The following NFATC1 variants were observed in gnomAD, a reference collection of about 807,000 sequenced individuals.
NFATC1 encodes the protein nuclear factor of activated T-cells, cytoplasmic 1.
NFATC1 carries 22 observed loss-of-function variants against 76.0 expected under a neutral mutation model. That is an observed-to-expected ratio of 0.29 (90% CI 0.21 to 0.41). The LOEUF is 0.41. Among genes scored for constraint, NFATC1 ranks in the 10% least tolerant of loss-of-function variants. NFATC1 has a pLI of 1.00. For missense variants in NFATC1, 1,357 were observed against 1,337.7 expected (o/e 1.01, Z -0.23); for synonymous variants, 704 against 613.1 (o/e 1.15, Z -2.19).
rs372096703 is a variant in NFATC1, at chr18:79,480,728, C to T, written c.2093-5520C>T. 1.7e-4 allele frequency among the ~76,000 whole-genome samples: 26 copies of T among 152,284 alleles called. No homozygotes were observed. The East Asian group carries it at 4.1e-3, about 24-fold the overall frequency. On this transcript the variant is annotated intron_variant, in intron 8 of 9. Coordinates refer to ENST00000427363, the MANE Select transcript of NFATC1 (RefSeq NM_001278669.2). ...CTCTCGGGCATAGCCGGCCTTGGCC[C>T]GTGGGGCGGCTGATTTACAGGACAG...
intron 9 of NFATC1, among the ~76,000 whole-genome samples, chr18:79,488,078 AG>A (rs915817941): frequency 6.3e-5 from 8 of 126,478 alleles, no homozygotes; most frequent in African/African-American, 4.0e-4. Flanking sequence ...CTCCTGACCC[AG>A]GGGGGGCAGG....
At chr18:79,403,114 G>A (rs1428115098) in intron 1 of NFATC1, among the ~76,000 whole-genome samples, 1 of 152,228 alleles carries the variant, frequency 6.6e-6, no homozygotes, top group Non-Finnish European at 1.5e-5. Context: ...GGGGTTGGGG[G>A]CTGCAGCCGC....
chr18:79,443,426 ACTC>A (rs2087063565), intron 3 of NFATC1, among the ~76,000 whole-genome samples: 1 of 151,954 alleles, frequency 6.6e-6, no homozygotes, highest in Non-Finnish European at 1.5e-5. Context: ...AGCGCCCACT[ACTC>A]ACCCAGGGCC....
At chr18:79,442,323 G>C (rs1041838484) in intron 3 of NFATC1, among the ~76,000 whole-genome samples, 2 of 152,248 alleles carry the variant, frequency 1.3e-5, no homozygotes, top group African/African-American at 4.8e-5. Flanking sequence ...CCTCGCCGAG[G>C]CGTCGGTCCT....
intron 2 of NFATC1, among the ~76,000 whole-genome samples, chr18:79,426,240 T>C (rs2086324125): frequency 1.3e-5 from 2 of 152,118 alleles, no homozygotes; most frequent in African/African-American, 2.4e-5. Flanking sequence ...ATATGTCTTT[T>C]TTTTTTTTTC....
rs143881092 is a variant in NFATC1 at position 79,505,911 on chromosome 18, T to C, written c.2782+18974T>C. 8.6e-5 allele frequency among the ~76,000 whole-genome samples: 12 copies of C among 139,822 alleles called. No homozygotes were observed. The Admixed American group carries it at 8.6e-4, about 10-fold the overall frequency. The allele number at this position is 139,822 out of a possible 152,430, so 91.7% of individuals were successfully genotyped here. On this transcript the variant is annotated intron_variant, in intron 9 of 9. Coordinates refer to ENST00000427363, the MANE Select transcript of NFATC1 (RefSeq NM_001278669.2). ...ATGAGGGAAGAGGCAGGAGACCGCT[T>C]TGTGGGAAGAGGTGGTGGACGAGCC...
intron 7 of NFATC1, among the ~76,000 whole-genome samples, chr18:79,461,614 G>A (rs113133538): frequency 9.2e-5 from 14 of 152,192 alleles, no homozygotes; most frequent in South Asian, 6.2e-4. Flanking sequence ...GGCCGGGGAC[G>A]GTGCTGGACA....
chr18:79,454,124 G>A (rs2087589411), intron 6 of NFATC1, among the ~76,000 whole-genome samples: 1 of 152,152 alleles, frequency 6.6e-6, no homozygotes, highest in African/African-American at 2.4e-5. Context: ...CAGGAGGGGA[G>A]GTTCCTGCTG....
chr18:79,397,134 A>T (rs1177379071), intron 1 of NFATC1, among the ~76,000 whole-genome samples: 1 of 152,154 alleles, frequency 6.6e-6, no homozygotes, highest in Non-Finnish European at 1.5e-5. Context: ...CCCCCACCTT[A>T]GCCCGTCCCC....
Position 79,396,370 on chromosome 18 carries a change from C to G in NFATC1, c.127+19C>G, listed in dbSNP as rs776887252. ...GAGGAAGGTAAGCCCCGCGCGGCCTCCGCCCCCGGACCCCTGCGCCCCCCA... is the reference window on the plus strand; with the variant it reads ...GAGGAAGGTAAGCCCCGCGCGGCCTGCGCCCCCGGACCCCTGCGCCCCCCA... On this transcript the variant is annotated intron_variant, in intron 1 of 9. Coordinates refer to ENST00000427363, the MANE Select transcript of NFATC1 (RefSeq NM_001278669.2). 3.9e-6 allele frequency: 5 copies of G among 1,296,078 alleles called. No homozygotes were observed. In the African/African-American group the frequency reaches 7.8e-5, roughly 20 times the overall value. 80.3% of individuals were successfully genotyped at this position (1,296,078 alleles called of 1,614,324 possible).
At chr18:79,513,836 G>A (rs1258910837) in intron 9 of NFATC1, among the ~76,000 whole-genome samples, 1 of 152,208 alleles carries the variant, frequency 6.6e-6, no homozygotes, top group African/African-American at 2.4e-5. Context: ...AAGCCTGAGG[G>A]TACACTGGCT....
chr18:79,399,752 G>C (rs2085121445), intron 1 of NFATC1, among the ~76,000 whole-genome samples: 1 of 152,038 alleles, frequency 6.6e-6, no homozygotes, highest in Non-Finnish European at 1.5e-5. Context: ...GGTGGGTGCC[G>C]GGCCTCCTGC....
intron 8 of NFATC1, among the ~76,000 whole-genome samples, chr18:79,483,178 GGT>G: frequency 8.9e-6 from 1 of 111,766 alleles, no homozygotes; most frequent in Admixed American, 8.8e-5. Flanking sequence ...TGGTTCCTGG[GGT>G]GTAATTCCAG....
intron 2 of NFATC1, among the ~76,000 whole-genome samples, chr18:79,424,561 C>G (rs1247552784): frequency 1.3e-5 from 2 of 151,944 alleles, no homozygotes; most frequent in Non-Finnish European, 2.9e-5. Flanking sequence ...CTCTGTCTCT[C>G]TCTGTCTCTG....
intron 9 of NFATC1, among the ~76,000 whole-genome samples, chr18:79,491,718 C>T (rs2145089766): frequency 6.6e-6 from 1 of 152,336 alleles, no homozygotes; most frequent in East Asian, 1.9e-4. Context: ...GCATGGGGTG[C>T]AGATTTAGTC....
rs1028827500 is a variant in NFATC1, at chr18:79,528,855, G to A, written c.*1278G>A. 2 of 152,564 alleles carry A rather than the reference G, an allele frequency of 1.3e-5. No individual in the cohort carries two copies. Among genetic ancestry groups the A allele is most frequent in the African/African-American group, 4.8e-5 (2 of 41,436 alleles). 9.5% of individuals were successfully genotyped at this position (152,564 alleles called of 1,614,324 possible). A position where few individuals can be genotyped will look rare whatever the true frequency, so the allele number is the denominator to read the frequency against. The stretch of plus-strand genomic sequence containing the variant: ...GTACAATTAGTTGCTTATTACGTAT[G>A]ATTACTCACAGCGATCTATTGTTCC... On this transcript the variant is annotated 3_prime_UTR_variant, in exon 10 of 10. Coordinates refer to ENST00000427363, the MANE Select transcript of NFATC1 (RefSeq NM_001278669.2).
chr18:79,510,954 C>T (rs565492269), intron 9 of NFATC1, among the ~76,000 whole-genome samples: 2 of 152,328 alleles, frequency 1.3e-5, no homozygotes, highest in South Asian at 2.1e-4. Flanking sequence ...GGGCATCGTT[C>T]GCCGGTCTTG....
intron 1 of NFATC1, among the ~76,000 whole-genome samples, chr18:79,401,796 C>T (rs2085267771): frequency 6.6e-6 from 1 of 152,134 alleles, no homozygotes; most frequent in Non-Finnish European, 1.5e-5. Context: ...TGGGACCTCC[C>T]AGTACACCCC....
intron 9 of NFATC1, among the ~76,000 whole-genome samples, chr18:79,506,339 C>T (rs1230875537): frequency 6.6e-6 from 1 of 152,184 alleles, no homozygotes; most frequent in Non-Finnish European, 1.5e-5. Context: ...CCAGCAAAGA[C>T]ACTGGGACTG....
Sources: gnomAD v4.1 joint callset for allele counts (sites outside exome capture counted in the v4.1 genomes callset) on GRCh38, gnomAD v4.1.1 for gene constraint, MANE v1.5 for transcripts, NCBI Gene and HGNC (gene_info 2026-07-23, HGNC 2026-07-21) for gene names.